The following ECE2 variants were observed in gnomAD, a reference collection of about 807,000 sequenced individuals.
ECE2 encodes the protein endothelin converting enzyme 2, also known as endothelin-converting enzyme 2.
ECE2 carries 81 observed loss-of-function variants against 100.6 expected under a neutral mutation model. The observed-to-expected ratio is 0.81, with a 90% CI of 0.67 to 0.97. The LOEUF (loss-of-function observed/expected upper bound fraction) is 0.97. Among genes scored for constraint, ECE2 ranks in the 50% least tolerant of loss-of-function variants. The pLI, the probability that ECE2 is intolerant of heterozygous loss-of-function variation, is 0.00. For synonymous variants in ECE2, 391 were observed against 391.5 expected (o/e 1.00, Z 0.02); for missense variants, 911 against 988.1 (o/e 0.92, Z 1.05).
At chr3:184,276,325 A>G in intron 1 of ECE2, 133 bp downstream of exon 1, 1 of 1,380,598 alleles carries the variant, frequency 7.2e-7, no homozygotes, top group Non-Finnish European at 9.8e-7. Flanking sequence ...TGGAGGGGTG[A>G]TAGAGAGACC....
intron 7 of ECE2, among the ~76,000 whole-genome samples, chr3:184,282,297 G>A (rs201112378): frequency 1.3e-5 from 2 of 152,192 alleles, no homozygotes; most frequent in Non-Finnish European, 2.9e-5. Flanking sequence ...GCAAGTAAGA[G>A]GAGAGGTGAG....
At chr3:184,276,344 G>T in intron 1 of ECE2, 137 bp from the exon 2 acceptor site, 3 of 1,374,618 alleles carry the variant, frequency 2.2e-6, no homozygotes, top group Non-Finnish European at 2.0e-6. Flanking sequence ...CCCCGGGCCC[G>T]AGAGCAGGGC....
chr3:184,291,578 A>G lies in ECE2; in HGVS notation c.2121+139A>G. On this transcript the variant is annotated intron_variant, in intron 18 of 18. Transcript: ENST00000404464. This position sits in a 1 kb window ranked among gnomAD's most constrained non-coding sequence, Gnocchi z 4.1. ...CTGGGGCATGAAAGGTGGGCTGGGA[A>G]GGCCCATGCCCAGAGCCTCCGGCCA... 1 of 865,528 alleles carries G rather than the reference A, an allele frequency of 1.2e-6. No individual in the cohort carries two copies. The highest frequency in any genetic ancestry group is 1.7e-6 in the Non-Finnish European group (1 of 586,078). 53.6% of individuals were successfully genotyped at this position (865,528 alleles called of 1,614,324 possible). A position where few individuals can be genotyped will look rare whatever the true frequency, so the allele number is the denominator to read the frequency against.
Position 184,291,934 on chromosome 3 carries a change from C to A in ECE2, c.2122-128C>A. On this transcript the variant is annotated intron_variant, in intron 18 of 18. Coordinates refer to ENST00000404464, the MANE Select transcript of ECE2 (RefSeq NM_001100121.2). The surrounding 1 kb of genome is among the most constrained non-coding windows in gnomAD (Gnocchi z 4.1). ...ATGCTGGGCAACCCGATGTCCAGGG[C>A]AGTTTTGGAAGGAACTTGGGAGGGG... The A allele has an allele frequency of 9.3e-7, 1 of 1,075,214 alleles. No individual in the cohort carries two copies. Among genetic ancestry groups the A allele is most frequent in the East Asian group, 2.5e-5 (1 of 40,390 alleles). The allele number at this position is 1,075,214 out of a possible 1,614,324, so 66.6% of individuals were successfully genotyped here.
Position 184,277,978 on chromosome 3 carries a change from T to C in ECE2, c.532T>C (p.Tyr178His), listed in dbSNP as rs759807665. 1.2e-5 allele frequency: 20 copies of C among 1,613,620 alleles called. No individual in the cohort carries two copies. The highest frequency in any genetic ancestry group is 1.7e-4 in the Middle Eastern group (1 of 5,776). ...AGCTGAGCAGAAGACACAGCGCTTC[T>C]ACCTATCTTGCCTACAGGTGGAGCG... ...SEAEQKTQRF[Y>H]LSCLQVERIE... The change falls in exon 5 of 19, where the codon TAC becomes CAC. Residue 178 changes from tyrosine (Y) to histidine (H), a missense_variant. Tyr to His is a moderately conservative substitution (Grantham distance 83, BLOSUM62 2). Transcript: ENST00000404464.
Position 184,291,981 on chromosome 3 carries a change from C to A in ECE2, c.2122-81C>A. On this transcript the variant is annotated intron_variant, in intron 18 of 18. Transcript: ENST00000404464. This position sits in a 1 kb window ranked among gnomAD's most constrained non-coding sequence, Gnocchi z 4.1. Reference sequence around the variant, plus strand: ...GGGGCTGCAGCGGTGGTGGTTTGTGCCCCTGGGATGGCTGTAGCTGACTCT... The same window carrying A: ...GGGGCTGCAGCGGTGGTGGTTTGTGACCCTGGGATGGCTGTAGCTGACTCT... 1.3e-6 allele frequency: 2 copies of A among 1,492,062 alleles called. No homozygotes were observed. The highest frequency in any genetic ancestry group is 1.8e-6 in the Non-Finnish European group (2 of 1,100,910). 92.4% of individuals were successfully genotyped at this position (1,492,062 alleles called of 1,614,324 possible). A position where few individuals can be genotyped will look rare whatever the true frequency, so the allele number is the denominator to read the frequency against.
Position 184,283,923 on chromosome 3 carries a change from C to T in ECE2, c.955C>T (p.Arg319Trp), listed in dbSNP as rs774440569. 1.7e-5 allele frequency: 28 copies of T among 1,613,806 alleles called. No homozygotes were observed. Among genetic ancestry groups the T allele is most frequent in the South Asian group, 1.2e-4 (11 of 91,078 alleles). ...LANITVPQDQ[R>W]RDEEKIYHKM... ...CAACATCACAGTGCCCCAGGACCAG[C>T]GGCGCGACGAGGAGAAGATCTACCA... The change falls in exon 8 of 19, where the codon CGG becomes TGG. Residue 319 changes from arginine to tryptophan, a missense_variant. Physicochemically the swap from Arg to Trp is moderately radical, Grantham distance 101. Coordinates refer to ENST00000404464, the MANE Select transcript of ECE2 (RefSeq NM_001100121.2).
chr3:184,276,931 C>G lies in ECE2; in HGVS notation c.166C>G (p.Arg56Gly). Reference sequence around the variant, plus strand: ...GGGGACAAGACAGCTGTTAGGCTCACGCACGCAGCTGGAGCTGGTCTTAGC... The same window carrying G: ...GGGGACAAGACAGCTGTTAGGCTCAGGCACGCAGCTGGAGCTGGTCTTAGC... ...QKGTRQLLGS[R>G]TQLELVLAGA... Residue 56 changes from arginine to glycine, a missense_variant, in exon 3 of 19, where the codon CGC (arginine) becomes GGC (glycine). Coordinates refer to ENST00000404464, the MANE Select transcript of ECE2 (RefSeq NM_001100121.2). 5.6e-6 allele frequency: 9 copies of G among 1,614,196 alleles called. No homozygotes were observed. The highest frequency in any genetic ancestry group is 7.6e-6 in the Non-Finnish European group (9 of 1,180,034).
chr3:184,291,620 G>A lies in ECE2; in HGVS notation c.2121+181G>A. On this transcript the variant is annotated intron_variant, in intron 18 of 18. Transcript: ENST00000404464. The surrounding 1 kb of genome is among the most constrained non-coding windows in gnomAD (Gnocchi z 4.1). ...CTCCGGCCAGCCAGGGCCCACAAAG[G>A]CAGCCTGAAGAGGCCTGAGCGGGAG... 3.3e-6 allele frequency: 2 copies of A among 598,474 alleles called. No homozygotes were observed. The highest frequency in any genetic ancestry group is 5.7e-6 in the Non-Finnish European group (2 of 352,260). 37.1% of individuals were successfully genotyped at this position (598,474 alleles called of 1,614,324 possible). A position where few individuals can be genotyped will look rare whatever the true frequency, so the allele number is the denominator to read the frequency against.
In ECE2 at chr3:184,292,270, A is replaced by C; in HGVS notation, c.*32A>C. On this transcript the variant is annotated 3_prime_UTR_variant, in exon 19 of 19. Coordinates refer to ENST00000404464, the MANE Select transcript of ECE2 (RefSeq NM_001100121.2). ...ATCAGGGGAGAAATGGCCAGCTGTCACCAGACCTGGGGCAGCTCTCCTGAC... is the reference window on the plus strand; with the variant it reads ...ATCAGGGGAGAAATGGCCAGCTGTCCCCAGACCTGGGGCAGCTCTCCTGAC... The C allele has an allele frequency of 1.9e-6, 3 of 1,610,134 alleles. No individual in the cohort carries two copies. Among genetic ancestry groups the C allele is most frequent in the South Asian group, 2.2e-5 (2 of 90,932 alleles).
In ECE2 at chr3:184,285,578, T is replaced by A. The variant is rs1368681618; in HGVS notation, c.1249T>A (p.Tyr417Asn). The A allele has an allele frequency of 1.9e-6, 3 of 1,613,666 alleles. No homozygotes were observed. The highest frequency in any genetic ancestry group is 2.5e-6 in the Non-Finnish European group (3 of 1,179,670). Residue 417 changes from tyrosine to asparagine, a missense_variant, in exon 10 of 19, where the codon TAT (tyrosine) becomes AAT (asparagine). By Grantham distance (143) the Tyr-to-Asn change is moderately radical (BLOSUM62 -2). Coordinates refer to ENST00000404464, the MANE Select transcript of ECE2 (RefSeq NM_001100121.2). Reference protein sequence around the residue: ...SAQEKLLETLYGTKKSCVPRW... With the variant: ...SAQEKLLETLNGTKKSCVPRW... ...ACAAGAGAAGCTGCTGGAGACCCTC[T>A]ATGGCACTAAGAAGGTGGGCTTTCT...
chr3:184,284,936 G>T (rs755659420), intron 8 of ECE2, 27 bp from the exon 9 acceptor site: 2 of 1,608,826 alleles, frequency 1.2e-6, no homozygotes, highest in East Asian at 2.2e-5. Context: ...AGTCGGGCAG[G>T]CAAGGCCTGA....
intron 11 of ECE2, 104 bp downstream of exon 11, chr3:184,288,051 C>T (rs1278951510): frequency 2.1e-5 from 22 of 1,056,778 alleles, no homozygotes; most frequent in Admixed American, 6.3e-5. Flanking sequence ...TGGCTCACGC[C>T]GGTAATCCCA....
chr3:184,290,380 T>C (rs968902582), intron 14 of ECE2, 22 bp downstream of exon 14: 1 of 1,608,938 alleles, frequency 6.2e-7, no homozygotes, highest in Non-Finnish European at 8.5e-7. Flanking sequence ...GGGGTGGACA[T>C]AGACACTAGG....
Position 184,291,902 on chromosome 3 carries a change from C to A in ECE2, c.2122-160C>A. On this transcript the variant is annotated intron_variant, in intron 18 of 18. Transcript: ENST00000404464. This position sits in a 1 kb window ranked among gnomAD's most constrained non-coding sequence, Gnocchi z 4.1. ...CTGGGGCTCCGCTTTTTCCCCTCGT[C>A]ATGTCCATGCTGGGCAACCCGATGT... 1.3e-6 allele frequency: 1 copy of A among 762,680 alleles called. No homozygotes were observed. The highest frequency in any genetic ancestry group is 2.1e-6 in the Non-Finnish European group (1 of 483,648). 47.2% of individuals were successfully genotyped at this position (762,680 alleles called of 1,614,324 possible).
At chr3:184,286,705 G>A (rs1721047565) in intron 10 of ECE2, among the ~76,000 whole-genome samples, 1 of 150,654 alleles carries the variant, frequency 6.6e-6, no homozygotes, top group African/African-American at 2.5e-5. Context: ...TCGGGAGGCT[G>A]AAGCAGGAGA....
Position 184,276,210 on chromosome 3 carries a change from G to C in ECE2, c.39+18G>C. The stretch of plus-strand genomic sequence containing the variant: ...GCAGCAACGTGAGTGGGGGCCCCGG[G>C]CTCCACGGGAGGGGACTGGGTGGAG... On this transcript the variant is annotated intron_variant, in intron 1 of 18. Transcript: ENST00000404464. 6.9e-7 allele frequency: 1 copy of C among 1,442,830 alleles called. No homozygotes were observed. 89.4% of individuals were successfully genotyped at this position (1,442,830 alleles called of 1,614,324 possible).
chr3:184,284,819 G>C, intron 8 of ECE2, 144 bp from the exon 9 acceptor site: 1 of 1,077,470 alleles, frequency 9.3e-7, no homozygotes, highest in Non-Finnish European at 1.3e-6. Flanking sequence ...GCCTGGAAAA[G>C]GGTATATTAC....
intron 10 of ECE2, among the ~76,000 whole-genome samples, chr3:184,287,231 G>C (rs1387403744): frequency 6.7e-6 from 1 of 150,186 alleles, no homozygotes; most frequent in Admixed American, 6.7e-5. Context: ...AGCTGAGATC[G>C]CACCACTGCA....
Sources: allele counts gnomAD v4.1 joint callset (sites outside exome capture counted in the v4.1 genomes callset), GRCh38; gene constraint gnomAD v4.1.1; non-coding constraint Gnocchi (gnomAD v3.1); transcripts MANE v1.5; gene names NCBI Gene and HGNC (gene_info 2026-07-23, HGNC 2026-07-21).